The following STAG2 variants were observed in gnomAD, a reference collection of about 807,000 sequenced individuals.
STAG2 encodes the protein cohesin subunit SA-2.
Under a neutral mutation model 108.1 loss-of-function variants are expected in STAG2, and 14 were observed. The observed-to-expected ratio is 0.13, with a 90% CI of 0.09 to 0.20. The LOEUF is 0.20. Ranked by LOEUF, STAG2 falls within the 10% of genes least tolerant of loss-of-function variation. The probability of loss-of-function intolerance (pLI) is 1.00; values close to 1 mark genes in which losing one functional copy is unlikely to be tolerated. For synonymous variants in STAG2, 307 were observed against 302.7 expected, an observed-to-expected ratio of 1.01 and a Z score of -0.15; for missense variants, 440 against 940.9, an observed-to-expected ratio of 0.47 and a Z score of 6.96.
rs748244765 is a variant in STAG2 at position 124,051,440 on chromosome X, A to G, written c.1196+46A>G. The G allele has an allele frequency of 2.9e-5, 29 of 1,016,236 alleles. No homozygotes were observed. The East Asian group carries it at 7.1e-4, about 25-fold the overall frequency. 83.7% of individuals were successfully genotyped at this position (1,016,236 alleles called of 1,213,427 possible). A position where few individuals can be genotyped will look rare whatever the true frequency, so the allele number is the denominator to read the frequency against. ...TATTTGCACTAATGTTCAGATATCT[A>G]AATAATATATTAGAGTATTTGGTTC... On this transcript the variant is annotated intron_variant, in intron 13 of 34. Transcript: ENST00000371145.
chrX:123,998,661 A>G (rs1025839477), intron 1 of STAG2, among the ~76,000 whole-genome samples: 12 of 109,802 alleles, frequency 1.1e-4, no homozygotes, highest in African/African-American at 4.0e-4. Flanking sequence ...TTCGTAATAG[A>G]TATGAAGTCA....
chrX:124,021,278 GGGAGAAGTCATTAGGA>G (rs1414720856), intron 1 of STAG2, 73 bp from the exon 2 acceptor site: 1 of 111,671 alleles, frequency 9.0e-6, no homozygotes, highest in Non-Finnish European at 1.9e-5. Context: ...CTAACCTACT[GGGAGAAGTCATTAGGA>G]GTTTGTCAGT....
intron 1 of STAG2, among the ~76,000 whole-genome samples, chrX:124,009,443 G>GTAGGTAGGTAGGTAGGTAGA (rs1556479689): frequency 4.7e-5 from 3 of 63,607 alleles, no homozygotes; most frequent in African/African-American, 1.8e-4. Context: ...AGGTAGGTAG[G>GTAGGTAGGTAGGTAGGTAGA]TAGATAGATA....
intron 1 of STAG2, among the ~76,000 whole-genome samples, chrX:124,001,799 G>A (rs1012897760): frequency 4.5e-5 from 5 of 111,793 alleles, no homozygotes; most frequent in Non-Finnish European, 7.5e-5. Flanking sequence ...TTTGCACAAC[G>A]ACGAATTGCC....
rs947479611 is a variant in STAG2, at chrX:123,981,155, A to T, written c.-163+19299A>T. Among the ~76,000 whole-genome samples the T allele has an allele frequency of 7.2e-5, 8 of 111,220 alleles. No homozygotes were observed. In the Admixed American group the frequency reaches 7.7e-4, roughly 11 times the overall value. On this transcript the variant is annotated intron_variant, in intron 1 of 34. Coordinates refer to ENST00000371145, the MANE Select transcript of STAG2 (RefSeq NM_001042750.2). ...TCTTAATTTTGGTAAAATATATATA[A>T]AATTTGCCATTGTAACCATTTTAAG...
At chrX:123,981,373 A>G (rs2054869091) in intron 1 of STAG2, among the ~76,000 whole-genome samples, 1 of 109,103 alleles carries the variant, frequency 9.2e-6, no homozygotes, top group Non-Finnish European at 1.9e-5. Flanking sequence ...TTTATATTTG[A>G]CTATTCTAAG....
chrX:124,028,985 T>TTATATA (rs376061447), intron 4 of STAG2, among the ~76,000 whole-genome samples: 24 of 63,998 alleles, frequency 3.8e-4, no homozygotes, highest in African/African-American at 1.5e-3. Context: ...TTATTTTTAT[T>TTATATA]TATATATATA....
intron 4 of STAG2, among the ~76,000 whole-genome samples, chrX:124,029,425 C>G: frequency 9.0e-6 from 1 of 110,936 alleles, no homozygotes; most frequent in Non-Finnish European, 1.9e-5. Flanking sequence ...ATTTTCCTGC[C>G]TCAGCCTCCC....
chrX:123,962,597 A>G (rs2053919416), intron 1 of STAG2, among the ~76,000 whole-genome samples: 1 of 110,508 alleles, frequency 9.0e-6, no homozygotes, highest in Non-Finnish European at 1.9e-5. Flanking sequence ...GTTGCCTACC[A>G]CCCCTCTTCC....
At chrX:124,014,674 A>G (rs2056642248) in intron 1 of STAG2, among the ~76,000 whole-genome samples, 1 of 110,738 alleles carries the variant, frequency 9.0e-6, no homozygotes, top group South Asian at 3.8e-4. Flanking sequence ...CCTTTATATT[A>G]TTTTTAAAGT....
chrX:124,101,985 T>G lies in STAG2; in HGVS notation c.*1388T>G, dbSNP rs1380492518. 6.3e-6 allele frequency: 1 copy of G among 159,954 alleles called. No homozygotes were observed. The highest frequency in any genetic ancestry group is 1.2e-5 in the Non-Finnish European group (1 of 82,150). The allele number at this position is 159,954 out of a possible 1,213,427, so 13.2% of individuals were successfully genotyped here. A position where few individuals can be genotyped will look rare whatever the true frequency, so the allele number is the denominator to read the frequency against. ...TCGTCTCTCAGTTCTTGAGGTATAT[T>G]ATTTTAATCATTCCATGCCTTAATA... On this transcript the variant is annotated 3_prime_UTR_variant, in exon 35 of 35. Transcript: ENST00000371145.
At chrX:124,052,411 G>T (rs187178737) in intron 13 of STAG2, among the ~76,000 whole-genome samples, 1 of 111,686 alleles carries the variant, frequency 9.0e-6, no homozygotes, top group African/African-American at 3.3e-5. Context: ...TAGATATTTC[G>T]TATAAGTGGA....
At chrX:124,053,090 T>C (rs1176201349) in intron 13 of STAG2, among the ~76,000 whole-genome samples, 2 of 112,045 alleles carry the variant, frequency 1.8e-5, no homozygotes, top group Non-Finnish European at 3.8e-5. Flanking sequence ...GTGCTGGGAT[T>C]ACAGGCATGA....
intron 1 of STAG2, among the ~76,000 whole-genome samples, chrX:124,002,812 CTTT>C (rs111999061): frequency 2.2e-5 from 2 of 92,944 alleles, no homozygotes; most frequent in South Asian, 4.9e-4. Context: ...TTCTTTCTTT[CTTT>C]TTTTTTTTTT....
intron 1 of STAG2, among the ~76,000 whole-genome samples, chrX:123,986,950 A>G (rs766253834): frequency 1.8e-5 from 2 of 109,472 alleles, no homozygotes; most frequent in South Asian, 4.0e-4. Flanking sequence ...AGTAGCTGGG[A>G]CTGGAGGTGT....
chrX:123,985,339 C>T (rs2055117141), intron 1 of STAG2, among the ~76,000 whole-genome samples: 1 of 111,044 alleles, frequency 9.0e-6, no homozygotes, highest in Admixed American at 9.7e-5. Flanking sequence ...AAGGGATCCT[C>T]CTGCCTTAGC....
chrX:124,085,014 C>T (rs1382885288), intron 29 of STAG2, among the ~76,000 whole-genome samples: 2 of 111,139 alleles, frequency 1.8e-5, no homozygotes, highest in African/African-American at 3.3e-5. Context: ...ACAAGGAGAC[C>T]GATAAAAGAA....
upstream of STAG2, chrX:123,961,588 GTA>G (rs1235094363): frequency 9.1e-6 from 1 of 109,485 alleles, no homozygotes; most frequent in East Asian, 2.9e-4. Context: ...GCTCAGTTGT[GTA>G]TATTTGGGCC....
At chrX:124,065,772 TG>T in intron 20 of STAG2, 103 bp from the exon 21 acceptor site, 1 of 527,577 alleles carries the variant, frequency 1.9e-6, no homozygotes. Flanking sequence ...AGTTCATTTG[TG>T]GGTTTTGTTA....
Sources: allele counts gnomAD v4.1 joint callset (sites outside exome capture counted in the v4.1 genomes callset), GRCh38; gene constraint gnomAD v4.1.1; transcripts MANE v1.5; gene names NCBI Gene and HGNC (gene_info 2026-07-23, HGNC 2026-07-21).